Variants in IL17RD observed in about 807,000 individuals in gnomAD.
IL17RD encodes interleukin-17 receptor D.
IL17RD carries 52 observed loss-of-function variants against 80.5 expected under a neutral mutation model. The observed-to-expected ratio is 0.65, with a 90% CI of 0.52 to 0.81. The LOEUF is 0.81. Ranked by LOEUF, IL17RD falls within the 40% of genes least tolerant of loss-of-function variation. The pLI is 0.00. For missense variants in IL17RD, 1,024 were observed against 955.1 expected (o/e 1.07, Z -0.95); for synonymous variants, 416 against 391.8 (o/e 1.06, Z -0.73).
chr3:57,158,867 TC>T (rs2060285232), intron 1 of IL17RD, among the ~76,000 whole-genome samples: 1 of 152,208 alleles, frequency 6.6e-6, no homozygotes. Context: ...TGAAGGAGTC[TC>T]CCCAGAGATA....
intron 1 of IL17RD, among the ~76,000 whole-genome samples, chr3:57,132,885 T>C (rs954939481): frequency 2.0e-5 from 3 of 152,194 alleles, no homozygotes; most frequent in Admixed American, 2.0e-4. Context: ...AACAGCTGAT[T>C]TTCCCACTCC....
chr3:57,109,573 C>A lies in IL17RD; in HGVS notation c.514G>T (p.Glu172Ter). 1 of 1,613,738 alleles carries A rather than the reference C, an allele frequency of 6.2e-7. No individual in the cohort carries two copies. The highest frequency in any genetic ancestry group is 1.1e-5 in the South Asian group (1 of 91,060). The change falls in exon 5 of 13, where the codon GAA (glutamate) becomes TAA (stop). Residue 172 changes from glutamate to a stop codon, truncating the protein, a stop_gained. Coordinates refer to ENST00000296318, the MANE Select transcript of IL17RD (RefSeq NM_017563.5). LOFTEE classifies it high-confidence loss of function. The part of the protein sequence containing the change: ...KVVPFPSIKN[E>*]SNYHPFFFRT... ...AAGAAGAAAGGGTGGTAATTGCTTTCGTTTTTAATGGAAGGAAAAGGGACA... is the reference window on the plus strand; with the variant it reads ...AAGAAGAAAGGGTGGTAATTGCTTTAGTTTTTAATGGAAGGAAAAGGGACA...
intron 1 of IL17RD, among the ~76,000 whole-genome samples, chr3:57,133,544 C>T (rs763463991): frequency 2.0e-5 from 3 of 152,132 alleles, no homozygotes; most frequent in South Asian, 2.1e-4. Flanking sequence ...AAATGTCATT[C>T]GGAGAAGGCA....
intron 1 of IL17RD, among the ~76,000 whole-genome samples, chr3:57,128,852 T>C (rs2107511723): frequency 6.6e-6 from 1 of 152,262 alleles, no homozygotes; most frequent in South Asian, 2.1e-4. Context: ...CAAAACAAAG[T>C]TGTGCAGTCT....
At chr3:57,162,936 C>G (rs1212288013) in intron 1 of IL17RD, among the ~76,000 whole-genome samples, 1 of 152,190 alleles carries the variant, frequency 6.6e-6, no homozygotes, top group African/African-American at 2.4e-5. Flanking sequence ...GAGGTACCAC[C>G]TGAACTGAGT....
intron 1 of IL17RD, among the ~76,000 whole-genome samples, chr3:57,150,687 G>T (rs1249407727): frequency 2.0e-5 from 3 of 152,196 alleles, no homozygotes; most frequent in African/African-American, 7.2e-5. Flanking sequence ...GGATGTGAGA[G>T]ATCGGGACTC....
At chr3:57,165,371 G>A, upstream of IL17RD, 1 of 1,145,758 alleles carries the variant, frequency 8.7e-7, no homozygotes, top group African/African-American at 1.6e-5. Context: ...GGCCGCGGCG[G>A]CCGCGGCGGC....
intron 1 of IL17RD, 123 bp from the exon 2 acceptor site, chr3:57,120,436 T>A: frequency 1.4e-6 from 1 of 695,854 alleles, no homozygotes. Flanking sequence ...TCCCCGGACA[T>A]CATCCACCAC....
At chr3:57,149,863 T>C (rs1708019054) in intron 1 of IL17RD, among the ~76,000 whole-genome samples, 1 of 152,234 alleles carries the variant, frequency 6.6e-6, no homozygotes, top group African/African-American at 2.4e-5. Flanking sequence ...AACTGACACC[T>C]AGATAACTCA....
At chr3:57,143,488 G>A (rs1707869925) in intron 1 of IL17RD, among the ~76,000 whole-genome samples, 1 of 152,162 alleles carries the variant, frequency 6.6e-6, no homozygotes, top group Non-Finnish European at 1.5e-5. Context: ...ACATCTCCAG[G>A]GTCTACAGCC....
In IL17RD at chr3:57,133,709, G is replaced by C. The variant is rs79422034; in HGVS notation, c.127-13396C>G. ...GATTTCTGGCAAGGAGTGGTATAGA[G>C]AGGTCAATTATAAAGCAAATCCATT... On this transcript the variant is annotated intron_variant, in intron 1 of 12. Transcript: ENST00000296318. Among the ~76,000 whole-genome samples the C allele has an allele frequency of 9.0e-3, 1,366 of 152,314 alleles. 19 individuals carry two copies. The highest frequency in any genetic ancestry group is 0.031 in the African/African-American group (1,294 of 41,548).
intron 2 of IL17RD, among the ~76,000 whole-genome samples, chr3:57,118,465 A>C (rs1278884873): frequency 6.6e-6 from 1 of 152,220 alleles, no homozygotes; most frequent in African/African-American, 2.4e-5. Context: ...ACTTACATTG[A>C]TTCATAACCC....
In IL17RD at chr3:57,154,279, T is replaced by TACACACACACACACACACACACAC. The variant is rs779041353; in HGVS notation, c.126+10881_126+10882insGTGTGTGTGTGTGTGTGTGTGTGT. 3.2e-3 allele frequency among the ~76,000 whole-genome samples: 410 copies of TACACACACACACACACACACACAC among 126,224 alleles called. 1 individual carries two copies. Among genetic ancestry groups the TACACACACACACACACACACACAC allele is most frequent in the African/African-American group, 0.012 (371 of 30,552 alleles). 82.8% of individuals were successfully genotyped at this position (126,224 alleles called of 152,430 possible). ...AAAAAATTATATATATATATATATA[T>TACACACACACACACACACACACAC]ATATACACACACACACACACACATA... On this transcript the variant is annotated intron_variant, in intron 1 of 12. Transcript: ENST00000296318.
chr3:57,168,957 A>G (rs1302546730), upstream of IL17RD, among the ~76,000 whole-genome samples: 1 of 152,180 alleles, frequency 6.6e-6, no homozygotes, highest in Non-Finnish European at 1.5e-5. Flanking sequence ...ATGCCAGGTG[A>G]TCCACCCACC....
At chr3:57,111,699 G>C (rs1027014430) in intron 3 of IL17RD, among the ~76,000 whole-genome samples, 7 of 152,050 alleles carry the variant, frequency 4.6e-5, no homozygotes, top group Non-Finnish European at 2.9e-5. Context: ...GGCCGGGCGC[G>C]GTGACTCACG....
Position 57,091,186 on chromosome 3 carries a change from A to C in IL17RD, c.*5207T>G, listed in dbSNP as rs1706545641. 6.6e-6 allele frequency: 1 copy of C among 152,628 alleles called. No homozygotes were observed. Among genetic ancestry groups the C allele is most frequent in the Non-Finnish European group, 1.5e-5 (1 of 68,058 alleles). The allele number at this position is 152,628 out of a possible 1,614,324, so 9.5% of individuals were successfully genotyped here. ...CATGAAATAAAGGTGATATCTATAGAGATGTGTAAAAATAGGATCTAAAAT... is the reference window on the plus strand; with the variant it reads ...CATGAAATAAAGGTGATATCTATAGCGATGTGTAAAAATAGGATCTAAAAT... On this transcript the variant is annotated 3_prime_UTR_variant, in exon 13 of 13. Coordinates refer to ENST00000296318, the MANE Select transcript of IL17RD (RefSeq NM_017563.5).
chr3:57,107,842 C>T (rs556478046), intron 5 of IL17RD, among the ~76,000 whole-genome samples: 1 of 152,186 alleles, frequency 6.6e-6, no homozygotes, highest in African/African-American at 2.4e-5. Flanking sequence ...CGACTAAATT[C>T]TTTGTAGGGT....
At chr3:57,146,773 A>G (rs1383754457) in intron 1 of IL17RD, among the ~76,000 whole-genome samples, 5 of 150,510 alleles carry the variant, frequency 3.3e-5, no homozygotes, top group Non-Finnish European at 5.9e-5. Flanking sequence ...AAAGAAAGAA[A>G]AAAAATTATA....
At chr3:57,101,674 C>G (rs1042080255) in intron 10 of IL17RD, among the ~76,000 whole-genome samples, 3 of 152,194 alleles carry the variant, frequency 2.0e-5, no homozygotes, top group Admixed American at 1.3e-4. Flanking sequence ...GCTCTTGCAG[C>G]CAAGTGCACC....
Sources: gnomAD v4.1 joint callset for allele counts (sites outside exome capture counted in the v4.1 genomes callset) on GRCh38, gnomAD v4.1.1 for gene constraint, MANE v1.5 for transcripts, NCBI Gene and HGNC (gene_info 2026-07-23, HGNC 2026-07-21) for gene names.